Variants in MUC4 observed in about 807,000 individuals in gnomAD.
MUC4 encodes the protein mucin 4, cell surface associated, also known as mucin-4.
MUC4 carries 202 observed loss-of-function variants against 257.9 expected under a neutral mutation model. The ratio of observed to expected loss-of-function variants is 0.78; its 90% CI spans 0.70 to 0.88. The LOEUF (loss-of-function observed/expected upper bound fraction) is 0.88, where lower values mean the gene tolerates loss of function less well. MUC4 is among the 40% of genes least tolerant of loss of function. The pLI, the probability that MUC4 is intolerant of heterozygous loss-of-function variation, is 0.00. For synonymous variants in MUC4, 2,351 were observed against 2,757.1 expected (o/e 0.85, Z 4.62); for missense variants, 5,976 against 6,513.7 (o/e 0.92, Z 2.84).
intron 1 of MUC4, among the ~76,000 whole-genome samples, chr3:195,802,407 G>A (rs377477): frequency 2.6e-3 from 77 of 29,338 alleles, no homozygotes; most frequent in Middle Eastern, 0.012. Flanking sequence ...AGCCTCCACC[G>A]CACCCCTGTG....
chr3:195,804,574 C>T (rs987660532), intron 1 of MUC4, among the ~76,000 whole-genome samples: 2 of 152,258 alleles, frequency 1.3e-5, no homozygotes, highest in Non-Finnish European at 1.5e-5. Context: ...AGGTGAGGAA[C>T]CCGTAAGCCG....
In MUC4 at chr3:195,781,343, T is replaced by C. The variant is rs533775458; in HGVS notation, c.10237A>G (p.Ser3413Gly). The stretch of plus-strand genomic sequence containing the variant: ...TGACCTGTGGATGCTGAGGAAGGGC[T>C]AGTGACAGGAAGAGGCATGGTGTCA... ...TGDTMPLPVT[S>G]PSSASTGHAT... Residue 3413 changes from serine to glycine, a missense_variant, in exon 2 of 25, where the codon AGC (serine) becomes GGC (glycine). By Grantham distance (56) the Ser-to-Gly change is moderately conservative (BLOSUM62 0). Around this residue, in one of 44 missense-constraint regions of MUC4, gnomAD observed 297 missense variants for 240.9 expected, o/e 1.23. Transcript: ENST00000463781. 5.3e-4 allele frequency: 724 copies of C among 1,370,702 alleles called. 53 individuals carry two copies. The African/African-American group carries it at 0.011, about 22-fold the overall frequency. 84.9% of individuals were successfully genotyped at this position (1,370,702 alleles called of 1,614,324 possible). A position where few individuals can be genotyped will look rare whatever the true frequency, so the allele number is the denominator to read the frequency against.
intron 16 of MUC4, among the ~76,000 whole-genome samples, chr3:195,759,919 A>ACACACACACACACACGCACGCACG (rs1491337525): frequency 2.6e-4 from 10 of 38,466 alleles, no homozygotes; most frequent in South Asian, 1.7e-3. Flanking sequence ...AACTCCGTCA[A>ACACACACACACACACGCACGCACG]CACACACACA....
chr3:195,770,419 T>A, intron 5 of MUC4, 48 bp from the exon 6 acceptor site: 1 of 1,607,050 alleles, frequency 6.2e-7, no homozygotes, highest in Non-Finnish European at 8.5e-7. Context: ...GTCCCACTCC[T>A]ACACATGGGC....
Position 195,788,637 on chromosome 3 carries a change from G to C in MUC4, c.2943C>G (p.Tyr981Ter). 6.3e-7 allele frequency: 1 copy of C among 1,583,356 alleles called. No homozygotes were observed. Among genetic ancestry groups the C allele is most frequent in the Non-Finnish European group, 8.6e-7 (1 of 1,163,590 alleles). ...ISNATPLPVT[Y>*]ASSASTGHTT... ...TGTGACCTGTGGATGCCGAGGAAGC[G>C]TAGGTGACAGGAAGAGGGGTGGCGT... The change falls in exon 2 of 25, where the codon TAC (tyrosine) becomes TAG (stop). Residue 981 changes from tyrosine to a stop codon, truncating the protein, a stop_gained. Coordinates refer to ENST00000463781, the MANE Select transcript of MUC4 (RefSeq NM_018406.7). LOFTEE classifies it high-confidence loss of function.
intron 6 of MUC4, 35 bp downstream of exon 6, chr3:195,770,181 G>C: frequency 2.0e-6 from 3 of 1,521,234 alleles, no homozygotes; most frequent in Non-Finnish European, 2.6e-6. Context: ...CTGACTCCCA[G>C]ATAGCTCCTG....
chr3:195,748,676 G>A (rs1715673621), intron 24 of MUC4, among the ~76,000 whole-genome samples: 1 of 152,270 alleles, frequency 6.6e-6, no homozygotes, highest in Non-Finnish European at 1.5e-5. Flanking sequence ...TCTCATCTTC[G>A]AAATAGTTCT....
chr3:195,770,714 C>T (rs911721640), intron 5 of MUC4: 11 of 424,896 alleles, frequency 2.6e-5, no homozygotes, highest in African/African-American at 1.0e-4. Flanking sequence ...TGAGAACAGG[C>T]GTGAGTCTCT....
At chr3:195,761,384 G>A (rs1718871774) in intron 15 of MUC4, 100 bp downstream of exon 15, 1 of 1,038,218 alleles carries the variant, frequency 9.6e-7, no homozygotes. Flanking sequence ...CAGACCTTAG[G>A]GAGGATGGAG....
In MUC4 at chr3:195,788,117, C is replaced by T. The variant is rs1733021568; in HGVS notation, c.3463G>A (p.Val1155Ile). 1 of 1,487,808 alleles carries T rather than the reference C, an allele frequency of 6.7e-7. No individual in the cohort carries two copies. The highest frequency in any genetic ancestry group is 9.0e-7 in the Non-Finnish European group (1 of 1,113,868). 92.2% of individuals were successfully genotyped at this position (1,487,808 alleles called of 1,614,324 possible). A position where few individuals can be genotyped will look rare whatever the true frequency, so the allele number is the denominator to read the frequency against. The change falls in exon 2 of 25, where the codon GTC becomes ATC. Residue 1155 changes from valine (V) to isoleucine (I), a missense_variant. Val to Ile is a conservative substitution (Grantham distance 29). Coordinates refer to ENST00000463781, the MANE Select transcript of MUC4 (RefSeq NM_018406.7). ...GTGGATGCTGAGGAAGCATCAGTGACATGAAGAGGGGTGGTGTGACCTGTG... is the reference window on the plus strand; with the variant it reads ...GTGGATGCTGAGGAAGCATCAGTGATATGAAGAGGGGTGGTGTGACCTGTG... ...VSTGHTTPLH[V>I]TDASSASTGQ...
chr3:195,809,009 C>A (rs956581311), intron 1 of MUC4, among the ~76,000 whole-genome samples: 6 of 152,226 alleles, frequency 3.9e-5, no homozygotes, highest in Non-Finnish European at 7.3e-5. Flanking sequence ...CCTGGGGTCA[C>A]TGATAGTGCT....
chr3:195,762,014 G>A (rs1719066969), intron 14 of MUC4, 73 bp downstream of exon 14: 7 of 1,483,536 alleles, frequency 4.7e-6, no homozygotes, highest in Non-Finnish European at 6.3e-6. Flanking sequence ...AGGGCTGCCC[G>A]GGCCGCCGGC....
chr3:195,804,051 G>C (rs908903595), intron 1 of MUC4, among the ~76,000 whole-genome samples: 1 of 152,228 alleles, frequency 6.6e-6, no homozygotes, highest in African/African-American at 2.4e-5. Context: ...GAAGACACAC[G>C]TGTGTCATTG....
chr3:195,790,193 CT>C lies in MUC4; in HGVS notation c.1386del (p.Gly463AspfsTer77), dbSNP rs752543456. ...HTQQSEGAET[T>X]GRPHERSSFS... Reference sequence around the variant, plus strand: ...AATGAGCTCCTCTCATGAGGCCGTCCTGTGGTCTCTGCACCTTCACTCTGCT... The same window carrying C: ...AATGAGCTCCTCTCATGAGGCCGTCCGTGGTCTCTGCACCTTCACTCTGCT... On this transcript the variant is annotated frameshift_variant, in exon 2 of 25. Coordinates refer to ENST00000463781, the MANE Select transcript of MUC4 (RefSeq NM_018406.7). LOFTEE classifies it high-confidence loss of function. The C allele has an allele frequency of 6.2e-7, 1 of 1,614,000 alleles. No homozygotes were observed. Among genetic ancestry groups the C allele is most frequent in the East Asian group, 2.2e-5 (1 of 44,890 alleles).
chr3:195,778,268 C>A, intron 3 of MUC4, 35 bp downstream of exon 3: 7 of 1,554,952 alleles, frequency 4.5e-6, no homozygotes, highest in Non-Finnish European at 6.1e-6. Flanking sequence ...TACATCACCC[C>A]TCAAAAGGCA....
intron 13 of MUC4, 123 bp from the exon 14 acceptor site, chr3:195,762,377 G>A (rs1045048668): frequency 2.4e-5 from 26 of 1,086,600 alleles, no homozygotes; most frequent in Middle Eastern, 3.0e-4. Flanking sequence ...GGAGGGGTCT[G>A]CACTGGAGGC....
At chr3:195,754,153 C>T in intron 19 of MUC4, 60 bp downstream of exon 19, 1 of 1,546,722 alleles carries the variant, frequency 6.5e-7, no homozygotes, top group Non-Finnish European at 8.7e-7. Flanking sequence ...TGGCTGTCTA[C>T]ACCCTTGAGC....
Position 195,785,668 on chromosome 3 carries a change from A to G in MUC4, c.5912T>C (p.Val1971Ala), listed in dbSNP as rs1202061823. The change falls in exon 2 of 25, where the codon GTC becomes GCC. Residue 1971 changes from valine to alanine, a missense_variant. Physicochemically the swap from Val to Ala is moderately conservative, Grantham distance 64. This residue lies in a region of MUC4 where 87 missense variants were observed against 104.6 expected (regional missense o/e 0.83). Coordinates refer to ENST00000463781, the MANE Select transcript of MUC4 (RefSeq NM_018406.7). ...TGTGGACACTGAGGAAGCGTCGGTG[A>G]CAGGAAGAGAGGTGGCGTGACCTGT... ...VPTGHATSLP[V>A]TDASSVSTGH... 1.3e-6 allele frequency: 2 copies of G among 1,511,792 alleles called. No individual in the cohort carries two copies. Among genetic ancestry groups the G allele is most frequent in the South Asian group, 1.2e-5 (1 of 82,318 alleles). The allele number at this position is 1,511,792 out of a possible 1,614,324, so 93.6% of individuals were successfully genotyped here. A position where few individuals can be genotyped will look rare whatever the true frequency, so the allele number is the denominator to read the frequency against.
intron 1 of MUC4, among the ~76,000 whole-genome samples, chr3:195,803,285 C>G (rs962001606): frequency 3.3e-5 from 5 of 152,236 alleles, no homozygotes; most frequent in African/African-American, 1.2e-4. Context: ...CAGCCCGATT[C>G]TTGCGTGCCT....
Sources: gnomAD v4.1 joint callset for allele counts (sites outside exome capture counted in the v4.1 genomes callset) on GRCh38, gnomAD v4.1.1 for gene constraint, gnomAD v4.1.1 regional missense constraint, MANE v1.5 for transcripts, NCBI Gene and HGNC (gene_info 2026-07-23, HGNC 2026-07-21) for gene names.